CNTNAP2: variants seen among roughly 807,000 people sequenced by gnomAD.
CNTNAP2 encodes contactin-associated protein-like 2.
A neutral mutation model predicts 155.2 loss-of-function variants in CNTNAP2; 98 were observed. The ratio of observed to expected loss-of-function variants is 0.63; its 90% CI spans 0.54 to 0.75. CNTNAP2 has a LOEUF of 0.75. CNTNAP2 is among the 30% of genes least tolerant of loss of function. CNTNAP2 has a pLI of 0.00. For synonymous variants in CNTNAP2, 651 were observed against 631.2 expected, an observed-to-expected ratio of 1.03 and a Z score of -0.47; for missense variants, 1,727 against 1,688.1, an observed-to-expected ratio of 1.02 and a Z score of -0.40.
intron 14 of CNTNAP2, among the ~76,000 whole-genome samples, chr7:147,977,516 A>C (rs1463408480): frequency 6.6e-6 from 1 of 152,182 alleles, no homozygotes; most frequent in Non-Finnish European, 1.5e-5. Context: ...ACTTTGTTGA[A>C]CTTCTGATTC....
At position 146,642,986 on chromosome 7, in the gene CNTNAP2, G is replaced by A. The variant is rs1293206989; in HGVS notation, c.98-131285G>A. ...TGAGAAGTGTCTGTTCATGTCCTTT[G>A]CCCACTTTTTGATGGGGTTTTTTGT... is the stretch of plus-strand genomic sequence containing the variant. On this transcript the variant is annotated intron_variant, in intron 1 of 23. Coordinates refer to ENST00000361727, the MANE Select transcript of CNTNAP2 (RefSeq NM_014141.6). 1.6e-4 allele frequency among the ~76,000 whole-genome samples: 23 copies of A among 144,742 alleles called. No individual in the cohort carries two copies. The East Asian group carries it at 3.4e-3, about 21-fold the overall frequency. 95.0% of individuals were successfully genotyped at this position (144,742 alleles called of 152,430 possible).
At chr7:147,635,792 G>T (rs865905631) in intron 12 of CNTNAP2, among the ~76,000 whole-genome samples, 1 of 152,096 alleles carries the variant, frequency 6.6e-6, no homozygotes, top group Non-Finnish European at 1.5e-5. Flanking sequence ...TTGAAAAGAC[G>T]TTTATGACCC....
intron 1 of CNTNAP2, among the ~76,000 whole-genome samples, chr7:146,223,687 C>G (rs1160289929): frequency 6.6e-6 from 1 of 152,188 alleles, no homozygotes; most frequent in Non-Finnish European, 1.5e-5. Flanking sequence ...ATACCACTGT[C>G]AAGCTTCCCG....
chr7:147,995,707 G>C (rs1482199255), intron 15 of CNTNAP2, among the ~76,000 whole-genome samples: 5 of 151,930 alleles, frequency 3.3e-5, no homozygotes, highest in Non-Finnish European at 5.9e-5. Flanking sequence ...TAGAGATAGG[G>C]TTTCACCATG....
intron 1 of CNTNAP2, among the ~76,000 whole-genome samples, chr7:146,561,084 A>C (rs114679181): frequency 0.021 from 3,264 of 152,300 alleles, 135 homozygotes; most frequent in African/African-American, 0.073. Context: ...TATAATGTCA[A>C]AGGTAGAAAG....
At chr7:147,047,445 A>G (rs1202282905) in intron 4 of CNTNAP2, among the ~76,000 whole-genome samples, 1 of 151,850 alleles carries the variant, frequency 6.6e-6, no homozygotes, top group Non-Finnish European at 1.5e-5. Flanking sequence ...GTGTTCAAGA[A>G]TCTTGCTCAT....
intron 3 of CNTNAP2, among the ~76,000 whole-genome samples, chr7:147,042,917 GAT>G (rs1323577114): frequency 6.6e-6 from 1 of 152,068 alleles, no homozygotes; most frequent in Non-Finnish European, 1.5e-5. Flanking sequence ...TCTTCTAAAA[GAT>G]AATGCTAAAG....
intron 8 of CNTNAP2, among the ~76,000 whole-genome samples, chr7:147,152,743 T>G (rs1295159928): frequency 6.6e-6 from 1 of 152,286 alleles, no homozygotes; most frequent in East Asian, 1.9e-4. Context: ...ATATATACTG[T>G]AAACATTGTG....
intron 11 of CNTNAP2, among the ~76,000 whole-genome samples, chr7:147,516,729 G>A (rs1215780802): frequency 2.0e-5 from 3 of 151,776 alleles, no homozygotes; most frequent in Non-Finnish European, 4.4e-5. Flanking sequence ...TATAAACACT[G>A]AGCTTTTAAT....
chr7:147,152,940 C>A (rs1801854614), intron 8 of CNTNAP2, among the ~76,000 whole-genome samples: 1 of 151,990 alleles, frequency 6.6e-6, no homozygotes, highest in Non-Finnish European at 1.5e-5. Context: ...TGAGCTTTTT[C>A]CATTGGTTCA....
chr7:147,759,562 T>C (rs1797267498), intron 13 of CNTNAP2, among the ~76,000 whole-genome samples: 1 of 152,092 alleles, frequency 6.6e-6, no homozygotes, highest in African/African-American at 2.4e-5. Context: ...CTCACAAAAA[T>C]CAGAGCTCTT....
chr7:146,450,677 A>G (rs546429082), intron 1 of CNTNAP2, among the ~76,000 whole-genome samples: 2 of 152,336 alleles, frequency 1.3e-5, no homozygotes, highest in South Asian at 4.1e-4. Context: ...GAAAAGGGAT[A>G]GACTCCACCT....
chr7:148,229,907 C>G, intron 20 of CNTNAP2, 128 bp downstream of exon 20: 1 of 1,015,714 alleles, frequency 9.8e-7, no homozygotes, highest in Non-Finnish European at 1.5e-6. Flanking sequence ...CTTTCTCCTA[C>G]AAGTGCATAA....
chr7:147,759,824 C>A (rs1797272362), intron 13 of CNTNAP2, among the ~76,000 whole-genome samples: 1 of 152,166 alleles, frequency 6.6e-6, no homozygotes, highest in African/African-American at 2.4e-5. Context: ...ACATTTTCCA[C>A]TGGGCCATAT....
At chr7:146,279,011 G>T (rs891885117) in intron 1 of CNTNAP2, among the ~76,000 whole-genome samples, 2 of 151,988 alleles carry the variant, frequency 1.3e-5, no homozygotes, top group Non-Finnish European at 2.9e-5. Flanking sequence ...TTCTTCGAAG[G>T]TTCTTACTGG....
chr7:147,970,200 C>T (rs1349436025), intron 14 of CNTNAP2, among the ~76,000 whole-genome samples: 1 of 152,044 alleles, frequency 6.6e-6, no homozygotes. Flanking sequence ...CATGAGACAC[C>T]ATGCCTGGAT....
At chr7:146,470,008 T>A (rs1796773317) in intron 1 of CNTNAP2, among the ~76,000 whole-genome samples, 1 of 151,374 alleles carries the variant, frequency 6.6e-6, no homozygotes, top group South Asian at 2.1e-4. Context: ...CCCGGCTAAT[T>A]TTTTGTATTT....
intron 1 of CNTNAP2, among the ~76,000 whole-genome samples, chr7:146,482,670 G>A (rs1194230063): frequency 6.6e-6 from 1 of 151,858 alleles, no homozygotes; most frequent in Non-Finnish European, 1.5e-5. Context: ...TTGAACCTGG[G>A]AGGCAGAAGT....
At position 146,350,923 on chromosome 7, in the gene CNTNAP2, G is replaced by A. The variant is rs551302281; in HGVS notation, c.97+233950G>A. On this transcript the variant is annotated intron_variant, in intron 1 of 23. Transcript: ENST00000361727. ...AAACCATCATTCTCAGCAAACTATCGCAAGGACAAAAAACCAAACACCGCA... is the reference window on the plus strand; with the variant it reads ...AAACCATCATTCTCAGCAAACTATCACAAGGACAAAAAACCAAACACCGCA... 3.9e-4 allele frequency among the ~76,000 whole-genome samples: 59 copies of A among 150,578 alleles called. 2 individuals are homozygous for A. In the South Asian group the frequency reaches 7.4e-3, roughly 19 times the overall value.
Sources: allele counts gnomAD v4.1 joint callset (sites outside exome capture counted in the v4.1 genomes callset), GRCh38; gene constraint gnomAD v4.1.1; transcripts MANE v1.5; gene names NCBI Gene and HGNC (gene_info 2026-07-23, HGNC 2026-07-21).